Variants in RIT2 observed in about 807,000 individuals in gnomAD.
RIT2 encodes the protein GTP-binding protein Rit2.
RIT2 carries 24 observed loss-of-function variants against 23.7 expected under a neutral mutation model. That is an observed-to-expected ratio of 1.01 (90% CI 0.73 to 1.43). RIT2 has a LOEUF of 1.43. Among genes scored for constraint, RIT2 ranks in the 40% most tolerant of loss-of-function variants. RIT2 has a pLI of 0.00. For synonymous variants in RIT2, 107 were observed against 91.1 expected (o/e 1.17, Z -0.99); for missense variants, 236 against 266.9 (o/e 0.88, Z 0.81).
intron 1 of RIT2, among the ~76,000 whole-genome samples, chr18:43,041,576 G>A (rs1912129316): frequency 6.6e-6 from 1 of 152,008 alleles, no homozygotes; most frequent in Non-Finnish European, 1.5e-5. Flanking sequence ...AATAAATAAT[G>A]GCCAAATGCA....
At chr18:42,768,819 G>C (rs1913483491) in intron 4 of RIT2, among the ~76,000 whole-genome samples, 1 of 152,066 alleles carries the variant, frequency 6.6e-6, no homozygotes, top group Admixed American at 6.6e-5. Context: ...TTCAATGATA[G>C]ATATTTATCA....
rs1256435476 is a variant in RIT2 at position 43,033,881 on chromosome 18, A to G, written c.104-14T>C. On this transcript the variant is annotated splice_polypyrimidine_tract_variant and intron_variant, in intron 1 of 4. Transcript: ENST00000326695. ...GCATTGTCATTGCTGAAAGAAAAAAAACACATTTTGTTTAATAAAAATTCA... is the reference window on the plus strand; with the variant it reads ...GCATTGTCATTGCTGAAAGAAAAAAGACACATTTTGTTTAATAAAAATTCA... 1.3e-6 allele frequency: 2 copies of G among 1,570,820 alleles called. No individual in the cohort carries two copies. Among genetic ancestry groups the G allele is most frequent in the Non-Finnish European group, 8.7e-7 (1 of 1,145,226 alleles).
intron 3 of RIT2, among the ~76,000 whole-genome samples, chr18:42,942,068 A>G (rs1490253620): frequency 2.6e-5 from 4 of 152,154 alleles, no homozygotes; most frequent in Non-Finnish European, 5.9e-5. Context: ...CTCATCAAAA[A>G]AGTTGTTTTA....
chr18:42,986,886 A>G (rs1383043233), intron 2 of RIT2, among the ~76,000 whole-genome samples: 1 of 152,154 alleles, frequency 6.6e-6, no homozygotes, highest in Non-Finnish European at 1.5e-5. Context: ...ATTAACATCC[A>G]ATAAAAAGCA....
chr18:43,047,583 A>G (rs1912278073), intron 1 of RIT2, among the ~76,000 whole-genome samples: 1 of 152,108 alleles, frequency 6.6e-6, no homozygotes, highest in African/African-American at 2.4e-5. Flanking sequence ...AGGAAAACAT[A>G]AAGAGAAAAT....
intron 4 of RIT2, among the ~76,000 whole-genome samples, chr18:42,897,561 T>C (rs973497072): frequency 6.6e-6 from 1 of 152,156 alleles, no homozygotes; most frequent in Non-Finnish European, 1.5e-5. Context: ...ACTTTGTTTA[T>C]GTATAAAGCA....
chr18:43,020,618 A>G (rs1344610670), intron 2 of RIT2, among the ~76,000 whole-genome samples: 1 of 152,168 alleles, frequency 6.6e-6, no homozygotes, highest in East Asian at 1.9e-4. Context: ...TTGTAAGGCT[A>G]TAGTCACAAA....
At chr18:42,773,751 C>T (rs929139249) in intron 4 of RIT2, among the ~76,000 whole-genome samples, 45 of 151,874 alleles carry the variant, frequency 3.0e-4, no homozygotes, top group African/African-American at 1.1e-3. Flanking sequence ...TGAATACATC[C>T]AATCAAGGAA....
At chr18:42,973,566 CA>C (rs1404430492) in intron 3 of RIT2, among the ~76,000 whole-genome samples, 1 of 151,712 alleles carries the variant, frequency 6.6e-6, no homozygotes, top group Non-Finnish European at 1.5e-5. Flanking sequence ...TTTTATGTCA[CA>C]AAAAAATTAC....
chr18:43,034,113 T>C (rs1405938202), intron 1 of RIT2, among the ~76,000 whole-genome samples: 1 of 152,118 alleles, frequency 6.6e-6, no homozygotes, highest in Non-Finnish European at 1.5e-5. Flanking sequence ...TCAATAAAAA[T>C]GGTATTAGAG....
intron 4 of RIT2, among the ~76,000 whole-genome samples, chr18:42,787,558 A>G (rs1050311112): frequency 6.6e-6 from 1 of 152,152 alleles, no homozygotes; most frequent in Non-Finnish European, 1.5e-5. Flanking sequence ...AGGTTCGGAG[A>G]AACATGAGTT....
At chr18:42,807,515 G>A (rs530463472) in intron 4 of RIT2, among the ~76,000 whole-genome samples, 8 of 152,122 alleles carry the variant, frequency 5.3e-5, no homozygotes, top group Non-Finnish European at 1.0e-4. Flanking sequence ...TACTGAGGAG[G>A]CGAAGGGAGG....
At chr18:42,867,650 C>G (rs1263493609) in intron 4 of RIT2, among the ~76,000 whole-genome samples, 8 of 150,494 alleles carry the variant, frequency 5.3e-5, no homozygotes, top group Non-Finnish European at 1.2e-4. Flanking sequence ...AAAAAATAGC[C>G]GAGTGTGGTG....
At chr18:43,080,666 A>G (rs1023776324) in intron 1 of RIT2, among the ~76,000 whole-genome samples, 1 of 152,156 alleles carries the variant, frequency 6.6e-6, no homozygotes, top group African/African-American at 2.4e-5. Context: ...AACCCACTAT[A>G]TGCTTATTTC....
chr18:42,758,781 G>T (rs1913229416), intron 4 of RIT2, among the ~76,000 whole-genome samples: 1 of 151,530 alleles, frequency 6.6e-6, no homozygotes, highest in Admixed American at 6.6e-5. Flanking sequence ...TGCCCAAAGT[G>T]CTGGGATTAC....
chr18:42,884,877 A>G (rs1907981784), intron 4 of RIT2, among the ~76,000 whole-genome samples: 1 of 152,220 alleles, frequency 6.6e-6, no homozygotes, highest in African/African-American at 2.4e-5. Context: ...TCATTTTCCA[A>G]TCAACCTTCT....
At chr18:42,929,343 T>C (rs987144695) in intron 3 of RIT2, among the ~76,000 whole-genome samples, 28 of 152,158 alleles carry the variant, frequency 1.8e-4, no homozygotes, top group Admixed American at 6.6e-4. Context: ...GACTAACCTG[T>C]AATTGTGGTT....
intron 4 of RIT2, among the ~76,000 whole-genome samples, chr18:42,829,731 A>T (rs931594823): frequency 1.3e-5 from 2 of 152,208 alleles, no homozygotes; most frequent in African/African-American, 4.8e-5. Context: ...GAATATAAAT[A>T]GTGTGTGAGG....
At chr18:42,933,640 T>C (rs1167807463) in intron 3 of RIT2, among the ~76,000 whole-genome samples, 2 of 152,282 alleles carry the variant, frequency 1.3e-5, no homozygotes, top group East Asian at 3.9e-4. Context: ...CCTGCCACCA[T>C]GTGATGAAGG....
Sources: allele counts gnomAD v4.1 joint callset (sites outside exome capture counted in the v4.1 genomes callset), GRCh38; gene constraint gnomAD v4.1.1; transcripts MANE v1.5; gene names NCBI Gene and HGNC (gene_info 2026-07-23, HGNC 2026-07-21).